The following BMAL1 variants were observed in gnomAD, a reference collection of about 807,000 sequenced individuals.
The protein encoded by BMAL1 is basic helix-loop-helix ARNT like 1.
chr11:13,386,861 A>G, the BMAL1 span: 16 of 1,369,310 alleles, frequency 1.2e-5, no homozygotes, highest in Non-Finnish European at 1.6e-5. Context: ...GCTTTTATGT[A>G]CTGACTTCAT....
At chr11:13,353,033 A>G in the BMAL1 span, among the ~76,000 whole-genome samples, 2,145 of 152,318 alleles carry the variant, frequency 0.014, 23 homozygotes, top group Middle Eastern at 0.041. Flanking sequence ...TTTGTTTACA[A>G]TGTCTTCATT....
At chr11:13,318,794 C>T in the BMAL1 span, among the ~76,000 whole-genome samples, 1 of 151,834 alleles carries the variant, frequency 6.6e-6, no homozygotes, top group Non-Finnish European at 1.5e-5. Flanking sequence ...GGGGCCCTTG[C>T]AAATACCAAA....
the BMAL1 span, among the ~76,000 whole-genome samples, chr11:13,370,390 A>C: frequency 1.3e-5 from 2 of 152,282 alleles, no homozygotes; most frequent in Non-Finnish European, 2.9e-5. Flanking sequence ...AGATTCATAA[A>C]TATACTGCTT....
chr11:13,362,997 A>G, the BMAL1 span, among the ~76,000 whole-genome samples: 1 of 151,772 alleles, frequency 6.6e-6, no homozygotes, highest in Non-Finnish European at 1.5e-5. Flanking sequence ...TTGCGTATTC[A>G]TGAATTCAAC....
At chr11:13,385,574 A>G in the BMAL1 span, 10 of 688,460 alleles carry the variant, frequency 1.5e-5, no homozygotes, top group East Asian at 2.7e-5. Flanking sequence ...AAATCATCCA[A>G]TAGAAAACTG....
chr11:13,344,872 C>T, the BMAL1 span, among the ~76,000 whole-genome samples: 1 of 152,200 alleles, frequency 6.6e-6, no homozygotes, highest in Non-Finnish European at 1.5e-5. Context: ...GGGCCATCTG[C>T]CATGGCTGTT....
chr11:13,356,899 G>A, the BMAL1 span: 1 of 1,590,084 alleles, frequency 6.3e-7, no homozygotes, highest in Non-Finnish European at 8.6e-7. Flanking sequence ...AGGAGGCCGT[G>A]AGCCTGTGGG....
chr11:13,346,632 T>C, the BMAL1 span, among the ~76,000 whole-genome samples: 3 of 152,204 alleles, frequency 2.0e-5, no homozygotes, highest in Non-Finnish European at 4.4e-5. Flanking sequence ...GCCCCTGAGA[T>C]CCTTTCCCCA....
At chr11:13,325,341 C>T in the BMAL1 span, among the ~76,000 whole-genome samples, 1 of 152,200 alleles carries the variant, frequency 6.6e-6, no homozygotes, top group Non-Finnish European at 1.5e-5. Flanking sequence ...ATCCATTGAT[C>T]TTTGCATACT....
chr11:13,329,539 A>G, the BMAL1 span, among the ~76,000 whole-genome samples: 5 of 152,198 alleles, frequency 3.3e-5, no homozygotes, highest in Admixed American at 2.6e-4. Context: ...GTTTCCAGCC[A>G]GAGCCCATTT....
the BMAL1 span, among the ~76,000 whole-genome samples, chr11:13,309,403 T>C: frequency 6.6e-6 from 1 of 152,162 alleles, no homozygotes; most frequent in Non-Finnish European, 1.5e-5. Context: ...GAGCCTCTGA[T>C]GGTTTCTGCC....
At chr11:13,288,390 T>TCTTG in the BMAL1 span, among the ~76,000 whole-genome samples, 1 of 22,452 alleles carries the variant, frequency 4.5e-5, no homozygotes, top group East Asian at 4.0e-3. Context: ...TTGGGGATTT[T>TCTTG]CTTTTTTCTT....
the BMAL1 span, among the ~76,000 whole-genome samples, chr11:13,368,732 C>T: frequency 6.6e-6 from 1 of 152,282 alleles, no homozygotes; most frequent in South Asian, 2.1e-4. Flanking sequence ...TCAACATAGT[C>T]ATGCTCCACC....
the BMAL1 span, among the ~76,000 whole-genome samples, chr11:13,293,971 C>T: frequency 6.6e-6 from 1 of 151,904 alleles, no homozygotes; most frequent in South Asian, 2.1e-4. Flanking sequence ...GTGACTTGTT[C>T]AAAACAATAT....
chr11:13,364,713 G>T, the BMAL1 span, among the ~76,000 whole-genome samples: 1 of 152,146 alleles, frequency 6.6e-6, no homozygotes, highest in Non-Finnish European at 1.5e-5. Context: ...ACCTGCTTCA[G>T]TCTCTTTACC....
At chr11:13,378,510 C>T in the BMAL1 span, 1 of 1,552,822 alleles carries the variant, frequency 6.4e-7, no homozygotes, top group Non-Finnish European at 8.7e-7. Context: ...ATTTTTTCCC[C>T]CAGGCAATAT....
At chr11:13,327,288 A>G in the BMAL1 span, among the ~76,000 whole-genome samples, 2 of 152,174 alleles carry the variant, frequency 1.3e-5, no homozygotes, top group African/African-American at 2.4e-5. Flanking sequence ...GTAATTTCCT[A>G]AGTACATTAA....
chr11:13,350,057 A>C, the BMAL1 span: 1 of 152,214 alleles, frequency 6.6e-6, no homozygotes, highest in African/African-American at 2.4e-5. Flanking sequence ...GGGGTGTAAG[A>C]ACTGTGACTT....
the BMAL1 span, chr11:13,365,282 AACACACACACACACACACACACACAC>A: frequency 1.1e-5 from 2 of 182,714 alleles, no homozygotes; most frequent in African/African-American, 2.5e-5. Context: ...GATATGCAGA[AACACACACACACACACACACACACAC>A]ACACACACAC....
Sources: gnomAD v4.1 joint callset for allele counts (sites outside exome capture counted in the v4.1 genomes callset) on GRCh38, gnomAD v4.1.1 for gene constraint, MANE v1.5 for transcripts, NCBI Gene and HGNC (gene_info 2026-07-23, HGNC 2026-07-21) for gene names.